Variants in FRMPD1 observed in about 807,000 individuals in gnomAD.
FRMPD1 encodes FERM and PDZ domain containing 1.
In FRMPD1, 76 loss-of-function variants were observed where a neutral mutation model predicts 117.8. That is an observed-to-expected ratio of 0.65 (90% CI 0.54 to 0.78). The LOEUF (loss-of-function observed/expected upper bound fraction) is 0.78. Ranked by LOEUF, FRMPD1 falls within the 30% of genes least tolerant of loss-of-function variation. The pLI is 0.00. For missense variants in FRMPD1, 1,786 were observed against 1,964.5 expected (o/e 0.91, Z 1.72); for synonymous variants, 783 against 770.4 (o/e 1.02, Z -0.27).
intron 1 of FRMPD1, among the ~76,000 whole-genome samples, chr9:37,664,633 A>G (rs1282561315): frequency 1.3e-5 from 2 of 152,200 alleles, no homozygotes; most frequent in Non-Finnish European, 2.9e-5. Flanking sequence ...ATCCGAGGAC[A>G]TCAACTTTTT....
chr9:37,613,473 T>C, the FRMPD1 span, among the ~76,000 whole-genome samples: 13 of 152,220 alleles, frequency 8.5e-5, no homozygotes, highest in African/African-American at 2.9e-4. Flanking sequence ...TAATTATAAC[T>C]AAGGGAGCTT....
intron 7 of FRMPD1, among the ~76,000 whole-genome samples, chr9:37,726,927 A>T (rs959857255): frequency 6.6e-6 from 1 of 151,732 alleles, no homozygotes; most frequent in Non-Finnish European, 1.5e-5. Context: ...CCTCTGGGGG[A>T]GTGGAGTGGT....
chr9:37,617,307 T>C, the FRMPD1 span, among the ~76,000 whole-genome samples: 1 of 151,892 alleles, frequency 6.6e-6, no homozygotes, highest in Non-Finnish European at 1.5e-5. Flanking sequence ...CTGGCTGGAG[T>C]GATGAGAACA....
Position 37,746,016 on chromosome 9 carries a change from G to C in FRMPD1, c.3984G>C (p.Arg1328Ser). 1.9e-6 allele frequency: 3 copies of C among 1,614,208 alleles called. No individual in the cohort carries two copies. The highest frequency in any genetic ancestry group is 2.5e-6 in the Non-Finnish European group (3 of 1,180,026). ...FAGMNEMVAP[R>S]IGMDQCSCQF... is the part of the protein sequence containing the mutation. ...GCATGAATGAGATGGTGGCTCCCAG[G>C]ATAGGGATGGACCAGTGCAGCTGTC... Residue 1328 changes from arginine to serine, a missense_variant, in exon 16 of 16, where the codon AGG becomes AGC. Transcript: ENST00000377765.
chr9:37,740,740 G>T lies in FRMPD1; in HGVS notation c.2212G>T (p.Gly738Cys). The part of the protein sequence containing the change: ...SRQGGAPPAW[G>C]QQGWTEAQPS... ...GCAAGGGGGAGCCCCGCCAGCCTGG[G>T]GTCAGCAGGGCTGGACTGAGGCCCA... The change falls in exon 15 of 16, where the codon GGT (glycine) becomes TGT (cysteine). Residue 738 changes from glycine to cysteine, a missense_variant. Physicochemically the swap from Gly to Cys is radical, Grantham distance 159 (BLOSUM62 -3). Transcript: ENST00000377765. This position sits in a 1 kb window ranked among gnomAD's most constrained non-coding sequence, Gnocchi z 4.2. 6.2e-7 allele frequency: 1 copy of T among 1,614,154 alleles called. No homozygotes were observed. Among genetic ancestry groups the T allele is most frequent in the Non-Finnish European group, 8.5e-7 (1 of 1,180,012 alleles).
At position 37,654,493 on chromosome 9, in the gene FRMPD1, A is replaced by C. The variant is rs563801276; in HGVS notation, c.-5+3399A>C. ...CTTGGCTAACTAAATATATTCCACT[A>C]TCAGGTTATTTAATCTTCTGAACTT... On this transcript the variant is annotated intron_variant, in intron 1 of 15. Coordinates refer to ENST00000377765, the MANE Select transcript of FRMPD1 (RefSeq NM_014907.3). Among the ~76,000 whole-genome samples, 6 of 152,356 alleles carry C rather than the reference A, an allele frequency of 3.9e-5. No homozygotes were observed. The East Asian group carries it at 1.2e-3, about 29-fold the overall frequency.
chr9:37,735,836 G>A (rs1824095540), intron 13 of FRMPD1, 102 bp downstream of exon 13: 3 of 743,556 alleles, frequency 4.0e-6, no homozygotes, highest in South Asian at 1.9e-5. Flanking sequence ...AAAGTCTAAT[G>A]TCCAATATCT....
At chr9:37,632,954 T>C in the FRMPD1 span, among the ~76,000 whole-genome samples, 40 of 147,566 alleles carry the variant, frequency 2.7e-4, 1 homozygote, top group East Asian at 7.6e-3. Context: ...TAAAAATATA[T>C]ACATATATTT....
At chr9:37,605,294 A>T in the FRMPD1 span, among the ~76,000 whole-genome samples, 1 of 152,176 alleles carries the variant, frequency 6.6e-6, no homozygotes, top group East Asian at 1.9e-4. Context: ...AATCCTTGGG[A>T]GAAGCAGAAT....
chr9:37,691,475 C>T (rs926862354), intron 1 of FRMPD1, among the ~76,000 whole-genome samples: 2 of 152,166 alleles, frequency 1.3e-5, no homozygotes, highest in Non-Finnish European at 2.9e-5. Flanking sequence ...ATGTTAATTT[C>T]TTAATTTTTA....
rs752904857 is a variant in FRMPD1 at position 37,745,696 on chromosome 9, C to T, written c.3664C>T (p.Pro1222Ser). 1 of 1,614,096 alleles carries T rather than the reference C, an allele frequency of 6.2e-7. No homozygotes were observed. The highest frequency in any genetic ancestry group is 8.5e-7 in the Non-Finnish European group (1 of 1,180,002). The change falls in exon 16 of 16, where the codon CCT becomes TCT. Residue 1222 changes from proline to serine, a missense_variant. Transcript: ENST00000377765. Reference sequence around the variant, plus strand: ...GAAGCAGACAGTTTCACCAGCCGTCCCTCCAGAGGGGATCAAGGCAGAGGC... The same window carrying T: ...GAAGCAGACAGTTTCACCAGCCGTCTCTCCAGAGGGGATCAAGGCAGAGGC... ...LGKQTVSPAV[P>S]PEGIKAEAPN...
chr9:37,676,293 G>A (rs749037045), intron 1 of FRMPD1, among the ~76,000 whole-genome samples: 3 of 152,120 alleles, frequency 2.0e-5, no homozygotes, highest in East Asian at 1.9e-4. Context: ...CCTAGAGCTC[G>A]TGTCTCGGGG....
intron 1 of FRMPD1, among the ~76,000 whole-genome samples, chr9:37,684,347 A>G (rs1022015993): frequency 1.3e-5 from 2 of 152,250 alleles, no homozygotes; most frequent in Non-Finnish European, 2.9e-5. Context: ...TATTATAAGC[A>G]TTAAATAAGA....
At chr9:37,630,981 C>T in the FRMPD1 span, among the ~76,000 whole-genome samples, 62 of 152,272 alleles carry the variant, frequency 4.1e-4, no homozygotes, top group African/African-American at 1.5e-3. Flanking sequence ...ATTCTAGTGA[C>T]ACAAATGTCA....
At chr9:37,699,305 TTCTC>T (rs1822446912) in intron 2 of FRMPD1, among the ~76,000 whole-genome samples, 1 of 149,260 alleles carries the variant, frequency 6.7e-6, no homozygotes. Flanking sequence ...ATTTACTGAA[TTCTC>T]TCTGTCTCTC....
chr9:37,731,186 C>G, intron 9 of FRMPD1, 83 bp downstream of exon 9: 1 of 1,226,070 alleles, frequency 8.2e-7, no homozygotes. Flanking sequence ...GAGCTCGAGG[C>G]CATTAAACAA....
At position 37,746,629 on chromosome 9, in the gene FRMPD1, C is replaced by T; in HGVS notation, c.4597C>T (p.Gln1533Ter). Residue 1533 changes from glutamine (Q) to a stop codon, truncating the protein, a stop_gained, in exon 16 of 16, where the codon CAG (glutamine) becomes TAG (stop). Coordinates refer to ENST00000377765, the MANE Select transcript of FRMPD1 (RefSeq NM_014907.3). LOFTEE classifies it high-confidence loss of function. ...NLRDVVYTYH[Q>*]FIEAAKSTCE... is the part of the protein sequence containing the mutation. ...GAGGGATGTGGTGTACACCTACCAT[C>T]AGTTTATAGAGGCTGCTAAATCGAC... 1 of 1,613,928 alleles carries T rather than the reference C, an allele frequency of 6.2e-7. No homozygotes were observed.
At chr9:37,693,215 C>T (rs1471248055) in intron 2 of FRMPD1, 1 of 155,900 alleles carries the variant, frequency 6.4e-6, no homozygotes, top group Non-Finnish European at 1.4e-5. Flanking sequence ...CTGTGTCTTT[C>T]TGTGTCTTCG....
intron 1 of FRMPD1, among the ~76,000 whole-genome samples, chr9:37,652,519 T>G (rs1321448882): frequency 1.3e-5 from 2 of 152,204 alleles, no homozygotes; most frequent in Non-Finnish European, 2.9e-5. Context: ...ATGATTTTAT[T>G]TCCTTCCTCG....
Sources: gnomAD v4.1 joint callset for allele counts (sites outside exome capture counted in the v4.1 genomes callset) on GRCh38, gnomAD v4.1.1 for gene constraint, Gnocchi (gnomAD v3.1) non-coding constraint, MANE v1.5 for transcripts, NCBI Gene and HGNC (gene_info 2026-07-23, HGNC 2026-07-21) for gene names.